CELF4: variants seen among roughly 807,000 people sequenced by gnomAD.
CELF4 encodes the protein CUGBP Elav-like family member 4.
A neutral mutation model predicts 59.9 loss-of-function variants in CELF4; 18 were observed. That is an observed-to-expected ratio of 0.30 (90% CI 0.21 to 0.45). CELF4 has a LOEUF of 0.45. Ranked by LOEUF, CELF4 falls within the 20% of genes least tolerant of loss-of-function variation. The pLI is 1.00. For synonymous variants in CELF4, 261 were observed against 267.1 expected, an observed-to-expected ratio of 0.98 and a Z score of 0.22; for missense variants, 456 against 689.0, an observed-to-expected ratio of 0.66 and a Z score of 3.79.
At chr18:37,454,894 A>T (rs1416485620) in intron 2 of CELF4, among the ~76,000 whole-genome samples, 1 of 152,192 alleles carries the variant, frequency 6.6e-6, no homozygotes, top group Non-Finnish European at 1.5e-5. Context: ...CCATCAGTTA[A>T]CTTACAGCCC....
intron 3 of CELF4, among the ~76,000 whole-genome samples, chr18:37,304,570 A>T (rs974525028): frequency 1.1e-3 from 18 of 16,084 alleles, no homozygotes; most frequent in Non-Finnish European, 1.5e-3. Context: ...GAATAAAGAA[A>T]TGAGCTTCAG....
intron 1 of CELF4, among the ~76,000 whole-genome samples, chr18:37,506,088 C>T (rs2154604081): frequency 6.6e-6 from 1 of 151,938 alleles, no homozygotes; most frequent in Admixed American, 6.6e-5. Context: ...CAACGCCGCC[C>T]CCCTGTTCTT....
At chr18:37,530,535 C>T (rs1228811943) in intron 1 of CELF4, among the ~76,000 whole-genome samples, 1 of 152,144 alleles carries the variant, frequency 6.6e-6, no homozygotes, top group Non-Finnish European at 1.5e-5. Flanking sequence ...TGTATTTCCC[C>T]ACTCCCCCTA....
chr18:37,275,760 A>C (rs2093101698), intron 3 of CELF4: 1 of 155,612 alleles, frequency 6.4e-6, no homozygotes, highest in Admixed American at 6.3e-5. Context: ...TCTCAGTTTG[A>C]GTATTGCCTC....
In CELF4 at chr18:37,264,665, C is replaced by A; in HGVS notation, c.1249+9G>T. The A allele has an allele frequency of 6.4e-7, 1 of 1,566,712 alleles. No individual in the cohort carries two copies. The stretch of plus-strand genomic sequence containing the variant: ...AGGGAGGGGCCCAGGAGCTGGCCTG[C>A]AGACTCACCTTCTCTCTGCTGCTGG... On this transcript the variant is annotated intron_variant, in intron 10 of 12. Transcript: ENST00000420428.
At chr18:37,328,343 G>A (rs972761707) in intron 2 of CELF4, among the ~76,000 whole-genome samples, 1 of 152,210 alleles carries the variant, frequency 6.6e-6, no homozygotes, top group Admixed American at 6.5e-5. Flanking sequence ...GGGAGCTGGG[G>A]AGAGGGAGGA....
chr18:37,514,123 G>A (rs1262003506), intron 1 of CELF4, among the ~76,000 whole-genome samples: 1 of 152,110 alleles, frequency 6.6e-6, no homozygotes, highest in African/African-American at 2.4e-5. Flanking sequence ...AGAGCACTGG[G>A]TCCCTGGTAC....
At chr18:37,440,672 G>A (rs1342826289) in intron 2 of CELF4, among the ~76,000 whole-genome samples, 1 of 152,164 alleles carries the variant, frequency 6.6e-6, no homozygotes, top group Non-Finnish European at 1.5e-5. Context: ...TGTGGGGCAG[G>A]TGATTATTGC....
At chr18:37,260,997 T>C (rs2073985866) in intron 10 of CELF4, among the ~76,000 whole-genome samples, 1 of 151,792 alleles carries the variant, frequency 6.6e-6, no homozygotes, top group Admixed American at 6.6e-5. Flanking sequence ...CCCTGTCCCC[T>C]CCAACCATGC....
intron 1 of CELF4, among the ~76,000 whole-genome samples, chr18:37,553,775 G>A (rs2099983946): frequency 6.6e-6 from 1 of 152,154 alleles, no homozygotes; most frequent in African/African-American, 2.4e-5. Context: ...AGCCAACACT[G>A]GCCAGGGTAA....
chr18:37,338,982 G>A (rs756786694), intron 2 of CELF4, among the ~76,000 whole-genome samples: 31 of 152,172 alleles, frequency 2.0e-4, no homozygotes, highest in African/African-American at 7.2e-5. Context: ...AATGGCCATC[G>A]TTTGGGTCTC....
At chr18:37,294,129 G>A (rs1359994656) in intron 3 of CELF4, among the ~76,000 whole-genome samples, 2 of 152,178 alleles carry the variant, frequency 1.3e-5, no homozygotes, top group African/African-American at 2.4e-5. Flanking sequence ...GCACGGGTGA[G>A]GGTGGGGGCA....
chr18:37,250,197 C>G (rs777787692), intron 12 of CELF4, among the ~76,000 whole-genome samples: 1 of 152,172 alleles, frequency 6.6e-6, no homozygotes, highest in Admixed American at 6.5e-5. Flanking sequence ...GCCTTTGCTT[C>G]CTTCCTTATT....
chr18:37,515,504 A>C (rs1458945102), intron 1 of CELF4, among the ~76,000 whole-genome samples: 1 of 152,196 alleles, frequency 6.6e-6, no homozygotes, highest in African/African-American at 2.4e-5. Context: ...CCCATCCTCC[A>C]GTAGAGGCCT....
At position 37,565,637 on chromosome 18, in the gene CELF4, T is replaced by C. The variant is rs1242154377; in HGVS notation, c.5A>G (p.Tyr2Cys). The C allele has an allele frequency of 4.4e-6, 7 of 1,581,072 alleles. No homozygotes were observed. Among genetic ancestry groups the C allele is most frequent in the Non-Finnish European group, 6.0e-6 (7 of 1,162,020 alleles). The stretch of plus-strand genomic sequence containing the variant: ...GTTTGCTAACGTGGCCATCTTTATA[T>C]ACATAGAGAAAATCTTCTTTCCTTT... MYIKMATLANGQ... is the reference protein window; with the variant it reads MCIKMATLANGQ... Residue 2 changes from tyrosine (Y) to cysteine (C), a missense_variant, in exon 1 of 13, where the codon TAT becomes TGT. Physicochemically the swap from Tyr to Cys is radical, Grantham distance 194. This residue lies in a region of CELF4 where 70 missense variants were observed against 69.5 expected (regional missense o/e 1.01). Coordinates refer to ENST00000420428, the MANE Select transcript of CELF4 (RefSeq NM_020180.4).
At chr18:37,459,910 T>A (rs1330545835) in intron 2 of CELF4, among the ~76,000 whole-genome samples, 1 of 152,202 alleles carries the variant, frequency 6.6e-6, no homozygotes, top group Non-Finnish European at 1.5e-5. Flanking sequence ...CATACGTCCT[T>A]GGAAGGCAGA....
chr18:37,470,836 C>CTG (rs71381583), intron 2 of CELF4, among the ~76,000 whole-genome samples: 4,266 of 93,136 alleles, frequency 0.046, 144 homozygotes, highest in Middle Eastern at 0.06. Flanking sequence ...CTTCATGACT[C>CTG]TGTGTGTGTG....
At chr18:37,339,185 G>A in intron 2 of CELF4, among the ~76,000 whole-genome samples, 1 of 152,170 alleles carries the variant, frequency 6.6e-6, no homozygotes, top group Non-Finnish European at 1.5e-5. Flanking sequence ...TTAAGCCTTG[G>A]TATTTTCTTT....
At chr18:37,294,672 C>G (rs896732881) in intron 3 of CELF4, among the ~76,000 whole-genome samples, 1 of 152,216 alleles carries the variant, frequency 6.6e-6, no homozygotes, top group African/African-American at 2.4e-5. Context: ...CTTTTAAAAA[C>G]TTGGACCTTT....
Sources: allele counts gnomAD v4.1 joint callset (sites outside exome capture counted in the v4.1 genomes callset), GRCh38; gene constraint gnomAD v4.1.1; regional missense constraint gnomAD v4.1.1; transcripts MANE v1.5; gene names NCBI Gene and HGNC (gene_info 2026-07-23, HGNC 2026-07-21).